The following MED12L variants were observed in gnomAD, a reference collection of about 807,000 sequenced individuals.
MED12L encodes mediator complex subunit 12L, also known as mediator of RNA polymerase II transcription subunit 12-like protein.
In MED12L, 60 loss-of-function variants were observed where a neutral mutation model predicts 281.3. The observed-to-expected ratio is 0.21, with a 90% CI of 0.17 to 0.26. The LOEUF (loss-of-function observed/expected upper bound fraction) is 0.26, where lower values mean the gene tolerates loss of function less well. MED12L is among the 10% of genes least tolerant of loss of function. MED12L has a pLI of 1.00. For missense variants in MED12L, 2,146 were observed against 2,680.9 expected (o/e 0.80, Z 4.41); for synonymous variants, 974 against 987.2 (o/e 0.99, Z 0.25).
intron 4 of MED12L, among the ~76,000 whole-genome samples, chr3:151,126,345 A>G (rs923080742): frequency 1.3e-5 from 2 of 152,136 alleles, no homozygotes; most frequent in Non-Finnish European, 2.9e-5. Flanking sequence ...TGCAGGGCCT[A>G]TATGCTGCAT....
chr3:151,405,915 A>G (rs1052530100), intron 39 of MED12L, among the ~76,000 whole-genome samples: 1 of 152,264 alleles, frequency 6.6e-6, no homozygotes, highest in Non-Finnish European at 1.5e-5. Context: ...ATGCTCAAAC[A>G]TAAATCCTAA....
chr3:151,184,928 TG>T (rs1576912586), intron 11 of MED12L, among the ~76,000 whole-genome samples: 2 of 152,030 alleles, frequency 1.3e-5, no homozygotes, highest in Admixed American at 1.3e-4. Context: ...ATTGAGTGAG[TG>T]GGGGGCCTGA....
rs142964549 is a variant in MED12L at position 151,365,445 on chromosome 3, C to A, written c.3185+239C>A. 3.3e-3 allele frequency among the ~76,000 whole-genome samples: 509 copies of A among 152,210 alleles called. 14 individuals are homozygous for A. Among genetic ancestry groups the A allele is most frequent in the Admixed American group, 0.031 (473 of 15,278 alleles). On this transcript the variant is annotated intron_variant, in intron 22 of 44. Transcript: ENST00000687756. ...ATGTTTTCAATATGGCCAACAATTA[C>A]ATGATTTATTTTCAAAAACATATAA...
At chr3:151,355,786 A>G in intron 18 of MED12L, 110 bp from the exon 19 acceptor site, 10 of 901,986 alleles carry the variant, frequency 1.1e-5, no homozygotes, top group Non-Finnish European at 1.4e-5. Context: ...ACTTTCGTCA[A>G]AGTAGAATCA....
intron 16 of MED12L, among the ~76,000 whole-genome samples, chr3:151,240,759 T>C (rs1356957186): frequency 2.0e-5 from 3 of 152,364 alleles, no homozygotes; most frequent in East Asian, 3.9e-4. Context: ...CACTCTTGCA[T>C]CTAACTTGTA....
In MED12L at chr3:151,086,852, TGCTGCTCCCTGGTGCTCAGAGGCG is replaced by T. The variant is rs1719290378; in HGVS notation, c.-66_-43del. 4.2e-6 allele frequency: 5 copies of T among 1,194,520 alleles called. 1 individual carries two copies. The highest frequency in any genetic ancestry group is 5.9e-6 in the Non-Finnish European group (5 of 847,388). The allele number at this position is 1,194,520 out of a possible 1,614,324, so 74.0% of individuals were successfully genotyped here. ...GGAGAGAGGGAGTCTGTCTGCAAAG[TGCTGCTCCCTGGTGCTCAGAGGCG>T]GCTGCTCCAGCTCCAACTCTCATTC... is the stretch of plus-strand genomic sequence containing the variant. On this transcript the variant is annotated 5_prime_UTR_variant, in exon 2 of 45. Transcript: ENST00000687756.
At chr3:151,294,528 A>G in intron 16 of MED12L, 1 of 1,614,138 alleles carries the variant, frequency 6.2e-7, no homozygotes, top group South Asian at 1.1e-5. Flanking sequence ...TGACTTATGA[A>G]TTGCCTGCTG....
chr3:151,371,135 T>C (rs926763104), intron 26 of MED12L, among the ~76,000 whole-genome samples: 2 of 152,206 alleles, frequency 1.3e-5, no homozygotes, highest in African/African-American at 4.8e-5. Context: ...TACTGTTTTT[T>C]CTCTTTCTTT....
At chr3:151,346,475 T>C (rs9820422) in intron 16 of MED12L, among the ~76,000 whole-genome samples, 133,238 of 152,180 alleles carry the variant, frequency 0.88, 58,552 homozygotes, top group Middle Eastern at 0.96. Context: ...CGCTTGTTTC[T>C]TAGCTTTGTG....
At chr3:151,113,849 A>G (rs1425951150) in intron 2 of MED12L, among the ~76,000 whole-genome samples, 1 of 152,180 alleles carries the variant, frequency 6.6e-6, no homozygotes, top group Non-Finnish European at 1.5e-5. Flanking sequence ...ATGAGCAGCT[A>G]TCTGATCTGG....
intron 2 of MED12L, among the ~76,000 whole-genome samples, chr3:151,093,860 G>A (rs12629779): frequency 0.034 from 5,187 of 152,248 alleles, 160 homozygotes; most frequent in East Asian, 0.12. Flanking sequence ...TGGGGACCCC[G>A]TAAGGCTGTC....
chr3:151,237,573 A>C (rs1733171108), intron 16 of MED12L, among the ~76,000 whole-genome samples: 1 of 148,020 alleles, frequency 6.8e-6, no homozygotes, highest in African/African-American at 2.5e-5. Flanking sequence ...CTGGTCTCGA[A>C]CTCCTGACCT....
At chr3:151,428,721 G>A (rs1210524891) in intron 43 of MED12L, among the ~76,000 whole-genome samples, 1 of 152,126 alleles carries the variant, frequency 6.6e-6, no homozygotes, top group Non-Finnish European at 1.5e-5. Context: ...GGATAAGACA[G>A]GATTGCCACA....
rs71637017 is a variant in MED12L, at chr3:151,368,586, ATTTAT to A, written c.3550+378_3550+382del. 8.7e-3 allele frequency among the ~76,000 whole-genome samples: 1,047 copies of A among 120,544 alleles called. 21 individuals carry two copies. Among genetic ancestry groups the A allele is most frequent in the East Asian group, 0.012 (48 of 4,034 alleles). The allele number at this position is 120,544 out of a possible 152,430, so 79.1% of individuals were successfully genotyped here. A position where few individuals can be genotyped will look rare whatever the true frequency, so the allele number is the denominator to read the frequency against. On this transcript the variant is annotated intron_variant, in intron 25 of 44. Transcript: ENST00000687756. The stretch of plus-strand genomic sequence containing the variant: ...ATCACAGCAGCTTAGGGCAATGGTG[ATTTAT>A]TTTATTTTATTTTATTTTATTTTAT...
chr3:151,105,394 T>G (rs1721886307), intron 2 of MED12L, among the ~76,000 whole-genome samples: 1 of 152,172 alleles, frequency 6.6e-6, no homozygotes, highest in African/African-American at 2.4e-5. Context: ...CACCTCCCAC[T>G]TCTTCCTCTG....
At chr3:151,137,054 C>T (rs1036664155) in intron 5 of MED12L, among the ~76,000 whole-genome samples, 5 of 151,036 alleles carry the variant, frequency 3.3e-5, no homozygotes, top group Non-Finnish European at 5.9e-5. Flanking sequence ...CCCAGCTACT[C>T]AGGAGGCTGA....
At chr3:151,164,410 C>A (rs926284362) in intron 9 of MED12L, among the ~76,000 whole-genome samples, 3 of 151,986 alleles carry the variant, frequency 2.0e-5, no homozygotes, top group African/African-American at 7.3e-5. Flanking sequence ...TGACTTGAAC[C>A]ATAGGATTGT....
At chr3:151,116,192 C>A in intron 2 of MED12L, 146 bp from the exon 3 acceptor site, 8 of 557,252 alleles carry the variant, frequency 1.4e-5, no homozygotes, top group East Asian at 3.0e-5. Flanking sequence ...GTTTAAACTT[C>A]AATTTCTGCC....
chr3:151,350,062 G>A lies in MED12L; in HGVS notation c.2254G>A (p.Glu752Lys), dbSNP rs1232542053. The A allele has an allele frequency of 1.9e-6, 3 of 1,606,692 alleles. No homozygotes were observed. Among genetic ancestry groups the A allele is most frequent in the Non-Finnish European group, 2.6e-6 (3 of 1,175,698 alleles). The change falls in exon 17 of 45, where the codon GAA (glutamate) becomes AAA (lysine). Residue 752 changes from glutamate (E) to lysine (K), a missense_variant. This residue lies in a region of MED12L where 404 missense variants were observed against 603.5 expected (regional missense o/e 0.67). Coordinates refer to ENST00000687756, the MANE Select transcript of MED12L (RefSeq NM_001393769.1). ...GAATGCATTTTCTGTTTTTCAGGATGAATCTTCAAGTCATGAATGTAACCA... is the reference window on the plus strand; with the variant it reads ...GAATGCATTTTCTGTTTTTCAGGATAAATCTTCAAGTCATGAATGTAACCA... ...YATHFPIPLDESSSHECNQRT... is the reference protein window; with the variant it reads ...YATHFPIPLDKSSSHECNQRT...
Sources: allele counts gnomAD v4.1 joint callset (sites outside exome capture counted in the v4.1 genomes callset), GRCh38; gene constraint gnomAD v4.1.1; regional missense constraint gnomAD v4.1.1; transcripts MANE v1.5; gene names NCBI Gene and HGNC (gene_info 2026-07-23, HGNC 2026-07-21).